The following NEK10 variants were observed in gnomAD, a reference collection of about 807,000 sequenced individuals.
NEK10 encodes the protein NIMA related kinase 10, also known as serine/threonine-protein kinase Nek10.
Under a neutral mutation model 159.8 loss-of-function variants are expected in NEK10, and 122 were observed. The ratio of observed to expected loss-of-function variants is 0.76; its 90% CI spans 0.66 to 0.89. The LOEUF is 0.89. Ranked by LOEUF, NEK10 falls within the 40% of genes least tolerant of loss-of-function variation. NEK10 has a pLI of 0.00. For synonymous variants in NEK10, 466 were observed against 457.1 expected, an observed-to-expected ratio of 1.02 and a Z score of -0.25; for missense variants, 1,342 against 1,323.1, an observed-to-expected ratio of 1.01 and a Z score of -0.22.
Position 27,213,121 on chromosome 3 carries a change from C to A in NEK10, c.2091-10564G>T, listed in dbSNP as rs1302492637. ...AAAATCCTGTAACAGGGCTCTTGAG[C>A]CCCTATGCTCAACCCACTCCCACCT... On this transcript the variant is annotated intron_variant, in intron 23 of 35. Coordinates refer to ENST00000691995, the MANE Select transcript of NEK10 (RefSeq NM_001394966.1). Among the ~76,000 whole-genome samples the A allele has an allele frequency of 3.3e-5, 5 of 152,290 alleles. No individual in the cohort carries two copies. In the East Asian group the frequency reaches 7.7e-4, roughly 24 times the overall value.
intron 5 of NEK10, among the ~76,000 whole-genome samples, chr3:27,332,687 A>T (rs749557454): frequency 7.8e-4 from 119 of 152,378 alleles, no homozygotes; most frequent in Non-Finnish European, 1.6e-3. Context: ...AGAGAAGCAG[A>T]TATACACAAG....
At chr3:27,120,109 A>G (rs550191395) in intron 32 of NEK10, among the ~76,000 whole-genome samples, 1 of 152,166 alleles carries the variant, frequency 6.6e-6, no homozygotes, top group Admixed American at 6.5e-5. Flanking sequence ...GAAAAAATAT[A>G]CTTTATGGCC....
intron 20 of NEK10, among the ~76,000 whole-genome samples, chr3:27,286,428 C>A (rs2042613271): frequency 6.6e-6 from 1 of 151,070 alleles, no homozygotes; most frequent in African/African-American, 2.4e-5. Context: ...TGTGGCAAAG[C>A]TGAAGTGCAG....
At chr3:27,115,682 A>AT (rs918377692) in intron 35 of NEK10, among the ~76,000 whole-genome samples, 7 of 152,118 alleles carry the variant, frequency 4.6e-5, no homozygotes, top group Admixed American at 4.6e-4. Flanking sequence ...TATATTTATG[A>AT]TTTTTTATGG....
At chr3:27,321,155 C>G (rs1234720263) in intron 6 of NEK10, among the ~76,000 whole-genome samples, 1 of 128,200 alleles carries the variant, frequency 7.8e-6, no homozygotes, top group Non-Finnish European at 1.5e-5. Flanking sequence ...AAAGGAGACA[C>G]TTTTTCAGTT....
intron 23 of NEK10, among the ~76,000 whole-genome samples, chr3:27,211,814 A>AATTGATTG (rs61171891): frequency 6.6e-6 from 1 of 152,186 alleles, no homozygotes; most frequent in African/African-American, 2.4e-5. Flanking sequence ...TATACTAATT[A>AATTGATTG]ATTGATTGAT....
chr3:27,351,321 T>C (rs1299214420), intron 3 of NEK10, among the ~76,000 whole-genome samples: 1 of 152,140 alleles, frequency 6.6e-6, no homozygotes, highest in Non-Finnish European at 1.5e-5. Context: ...TGTTTGCCTC[T>C]TTAAGAAAGA....
In NEK10 at chr3:27,352,839, G is replaced by T; in HGVS notation, c.44C>A (p.Thr15Asn). Residue 15 changes from threonine to asparagine, a missense_variant, in exon 2 of 36, where the codon ACT becomes AAT. Coordinates refer to ENST00000691995, the MANE Select transcript of NEK10 (RefSeq NM_001394966.1). The stretch of plus-strand genomic sequence containing the variant: ...GATGGTGATTTCTTGCTGTTTATCA[G>T]TTGATTTTTCTGTGGTCTTCACCTT... ...DKKVKTTEKS[T>N]DKQQEITIRD... 6.2e-7 allele frequency: 1 copy of T among 1,611,030 alleles called. No individual in the cohort carries two copies. The highest frequency in any genetic ancestry group is 8.5e-7 in the Non-Finnish European group (1 of 1,177,530).
At chr3:27,298,884 A>C in intron 13 of NEK10, among the ~76,000 whole-genome samples, 1 of 152,160 alleles carries the variant, frequency 6.6e-6, no homozygotes, top group East Asian at 1.9e-4. Flanking sequence ...GGCAGAAGAA[A>C]TTTCTAAGCA....
At chr3:27,148,383 T>C (rs889317163) in intron 30 of NEK10, among the ~76,000 whole-genome samples, 2 of 152,192 alleles carry the variant, frequency 1.3e-5, no homozygotes, top group Non-Finnish European at 2.9e-5. Context: ...CATGGATAGA[T>C]TCTTAGCTAC....
rs1343453033 is a variant in NEK10, at chr3:27,109,903, C to T, written c.*1369G>A. 6.6e-6 allele frequency among the ~76,000 whole-genome samples: 1 copy of T among 152,026 alleles called. No homozygotes were observed. Among genetic ancestry groups the T allele is most frequent in the Non-Finnish European group, 1.5e-5 (1 of 68,020 alleles). On this transcript the variant is annotated 3_prime_UTR_variant, in exon 36 of 36. Transcript: ENST00000691995. ...TTGACAATCTTCAAAAGCATTAGTG[C>T]ATGATTAAAGGGAATTTGGATATAA...
intron 33 of NEK10, among the ~76,000 whole-genome samples, chr3:27,116,998 C>A (rs1940546939): frequency 6.6e-6 from 1 of 152,096 alleles, no homozygotes; most frequent in South Asian, 2.1e-4. Flanking sequence ...CCCCAACAGG[C>A]CCCAGTGTGT....
intron 23 of NEK10, among the ~76,000 whole-genome samples, chr3:27,245,004 C>G (rs1417713588): frequency 6.6e-6 from 1 of 152,174 alleles, no homozygotes; most frequent in African/African-American, 2.4e-5. Flanking sequence ...TTCCTTGGTA[C>G]TGTCACTCAA....
Position 27,202,547 on chromosome 3 carries a change from GTA to G in NEK10, c.2099_2100del (p.Val700AlafsTer4). 6.2e-7 allele frequency: 1 copy of G among 1,607,038 alleles called. No homozygotes were observed. Among genetic ancestry groups the G allele is most frequent in the African/African-American group, 1.3e-5 (1 of 74,870 alleles). On this transcript the variant is annotated frameshift_variant, in exon 24 of 36. Transcript: ENST00000691995. LOFTEE classifies it high-confidence loss of function. ...VGTILYSCPE[V>X]LKSEPYGEKA... ...TTCTCCCCATACGGCTCACTCTTCA[GTA>G]CCTCGGGGCTGAAGTAAAATAAGGA...
chr3:27,165,961 A>G (rs547826152), intron 29 of NEK10, among the ~76,000 whole-genome samples: 1 of 152,368 alleles, frequency 6.6e-6, no homozygotes, highest in South Asian at 2.1e-4. Flanking sequence ...AAACATTTTC[A>G]AATACATTAT....
chr3:27,144,976 C>T (rs1944156154), intron 30 of NEK10, among the ~76,000 whole-genome samples: 1 of 152,104 alleles, frequency 6.6e-6, no homozygotes, highest in African/African-American at 2.4e-5. Flanking sequence ...CCCACCTCGA[C>T]CTCCCAAAGT....
chr3:27,322,081 A>G, intron 6 of NEK10, 96 bp downstream of exon 6: 1 of 653,554 alleles, frequency 1.5e-6, no homozygotes, highest in Non-Finnish European at 2.7e-6. Context: ...GAGAGAAAAC[A>G]AAAAGTAAAC....
intron 23 of NEK10, among the ~76,000 whole-genome samples, chr3:27,247,327 A>T (rs1005245037): frequency 6.6e-6 from 1 of 151,958 alleles, no homozygotes; most frequent in Non-Finnish European, 1.5e-5. Context: ...AGGGCTTTTC[A>T]TCATGAAGGG....
At chr3:27,189,214 A>G (rs1308134028) in intron 26 of NEK10, among the ~76,000 whole-genome samples, 1 of 152,086 alleles carries the variant, frequency 6.6e-6, no homozygotes, top group East Asian at 1.9e-4. Flanking sequence ...CTTTTTAGTG[A>G]AGACTTCTCT....
Sources: gnomAD v4.1 joint callset for allele counts (sites outside exome capture counted in the v4.1 genomes callset) on GRCh38, gnomAD v4.1.1 for gene constraint, MANE v1.5 for transcripts, NCBI Gene and HGNC (gene_info 2026-07-23, HGNC 2026-07-21) for gene names.